The following WFDC3 variants were observed in gnomAD, a reference collection of about 807,000 sequenced individuals.
WFDC3 encodes the protein WAP four-disulfide core domain 3.
WFDC3 carries 15 observed loss-of-function variants against 25.8 expected under a neutral mutation model. The observed-to-expected ratio is 0.58, with a 90% CI of 0.39 to 0.89. WFDC3 has a LOEUF of 0.89. Ranked by LOEUF, WFDC3 falls within the 40% of genes least tolerant of loss-of-function variation. The pLI, the probability that WFDC3 is intolerant of heterozygous loss-of-function variation, is 0.00. For synonymous variants in WFDC3, 103 were observed against 107.1 expected (o/e 0.96, Z 0.24); for missense variants, 264 against 289.8 (o/e 0.91, Z 0.65).
intron 2 of WFDC3, among the ~76,000 whole-genome samples, chr20:45,789,407 G>A (rs1980841352): frequency 6.6e-6 from 1 of 151,304 alleles, no homozygotes; most frequent in Non-Finnish European, 1.5e-5. Flanking sequence ...TCGGGAGGCT[G>A]AGGCAGGAGA....
rs142324263 is a variant in WFDC3, at chr20:45,777,091, G to A, written c.477C>T (p.Leu159=). Residue 159 remains leucine (L), a synonymous_variant, in exon 5 of 7, where the codon CTC becomes CTT. Transcript: ENST00000243938. ...CCSTGCGRTC[L]GDIEGGRGGD... is the part of the protein sequence containing the mutation. ...CCAACATACCTCCCTCAATGTCTCC[G>A]AGGCAGGTGCGGCCACAGCCGGTGC... The A allele has an allele frequency of 2.1e-4, 333 of 1,612,906 alleles. 1 individual carries two copies. Among genetic ancestry groups the A allele is most frequent in the Middle Eastern group, 1.7e-4 (1 of 5,738 alleles).
Position 45,775,311 on chromosome 20 carries a change from CA to C in WFDC3, c.679+105del. On this transcript the variant is annotated intron_variant, in intron 6 of 6. Coordinates refer to ENST00000243938, the MANE Select transcript of WFDC3 (RefSeq NM_080614.2). ...ATCTGGGACATAGGTTCTTTCTCTC[CA>C]ACTAGACTTTTCCTGACCTTCTGAA... is the stretch of plus-strand genomic sequence containing the variant. The C allele has an allele frequency of 2.1e-6, 3 of 1,456,946 alleles. No individual in the cohort carries two copies. In the South Asian group the frequency reaches 4.0e-5, roughly 20 times the overall value. 90.3% of individuals were successfully genotyped at this position (1,456,946 alleles called of 1,614,324 possible). A position where few individuals can be genotyped will look rare whatever the true frequency, so the allele number is the denominator to read the frequency against.
intron 4 of WFDC3, among the ~76,000 whole-genome samples, chr20:45,784,715 T>C (rs1202482233): frequency 1.3e-5 from 2 of 152,218 alleles, no homozygotes; most frequent in Non-Finnish European, 2.9e-5. Flanking sequence ...CACTCCAGCC[T>C]GGGCAACAAT....
intron 5 of WFDC3, among the ~76,000 whole-genome samples, chr20:45,776,064 A>G (rs1300041317): frequency 6.6e-6 from 1 of 152,138 alleles, no homozygotes; most frequent in Non-Finnish European, 1.5e-5. Context: ...CCTTATTTAA[A>G]AGGAATATGT....
intron 3 of WFDC3, 117 bp downstream of exon 3, chr20:45,788,814 C>T: frequency 1.4e-6 from 2 of 1,402,396 alleles, no homozygotes; most frequent in Non-Finnish European, 1.9e-6. Context: ...AGAAGAAGTA[C>T]TCTAGGCAAG....
intron 4 of WFDC3, among the ~76,000 whole-genome samples, chr20:45,783,405 G>A (rs191069912): frequency 1.1e-4 from 17 of 152,096 alleles, no homozygotes; most frequent in Admixed American, 7.9e-4. Flanking sequence ...CTGAGCCCAG[G>A]AGGTTGAGGC....
chr20:45,777,914 C>T (rs1203027486), intron 4 of WFDC3, among the ~76,000 whole-genome samples: 3 of 151,638 alleles, frequency 2.0e-5, no homozygotes, highest in Admixed American at 2.0e-4. Flanking sequence ...AGGTCTAACC[C>T]ACTGTGGCCA....
intron 5 of WFDC3, among the ~76,000 whole-genome samples, chr20:45,776,224 GT>G (rs1980137415): frequency 6.7e-6 from 1 of 148,398 alleles, no homozygotes; most frequent in Non-Finnish European, 1.5e-5. Context: ...AAAAATATTT[GT>G]TTTTTTAAAA....
rs1356264077 is a variant in WFDC3 at position 45,776,650 on chromosome 20, A to ATGTG, written c.493+424_493+425insCACA. Among the ~76,000 whole-genome samples the ATGTG allele has an allele frequency of 5.5e-5, 6 of 108,608 alleles. No individual in the cohort carries two copies. The Admixed American group carries it at 6.2e-4, about 11-fold the overall frequency. The allele number at this position is 108,608 out of a possible 152,430, so 71.3% of individuals were successfully genotyped here. ...AAAAAAAAAAAATATATATATATAT[A>ATGTG]TATATATATATGTGTGTGTGTGTTT... On this transcript the variant is annotated intron_variant, in intron 5 of 6. Transcript: ENST00000243938.
chr20:45,774,650 C>T (rs1213879339), intron 6 of WFDC3, among the ~76,000 whole-genome samples: 1 of 152,148 alleles, frequency 6.6e-6, no homozygotes, highest in Non-Finnish European at 1.5e-5. Flanking sequence ...TTATAAAAAA[C>T]TGGAATTATG....
At chr20:45,776,318 G>GTA (rs373502479) in intron 5 of WFDC3, among the ~76,000 whole-genome samples, 4,609 of 139,824 alleles carry the variant, frequency 0.033, 218 homozygotes, top group East Asian at 0.1. Context: ...GTGTGTGTGT[G>GTA]TGTTTCCAGC....
chr20:45,777,791 G>A (rs1484462565), intron 4 of WFDC3, among the ~76,000 whole-genome samples: 3 of 152,142 alleles, frequency 2.0e-5, no homozygotes, highest in Non-Finnish European at 4.4e-5. Context: ...AAAGTGCCAG[G>A]ATTACAGGCG....
At chr20:45,785,992 TTC>T (rs201811266) in intron 4 of WFDC3, among the ~76,000 whole-genome samples, 1 of 152,186 alleles carries the variant, frequency 6.6e-6, no homozygotes, top group African/African-American at 2.4e-5. Context: ...CTGTGTGTGC[TTC>T]TCTCTCTCCC....
chr20:45,786,759 C>T (rs1265095981), intron 4 of WFDC3, among the ~76,000 whole-genome samples: 1 of 152,072 alleles, frequency 6.6e-6, no homozygotes, highest in Non-Finnish European at 1.5e-5. Context: ...CTGTTTCCCA[C>T]AGGAGACAGC....
chr20:45,777,340 A>C, intron 4 of WFDC3, 131 bp from the exon 5 acceptor site: 1 of 1,039,794 alleles, frequency 9.6e-7, no homozygotes, highest in Non-Finnish European at 1.2e-6. Flanking sequence ...TATGTGTATC[A>C]TGTATCTGCA....
At chr20:45,785,746 A>T (rs958699040) in intron 4 of WFDC3, among the ~76,000 whole-genome samples, 3 of 152,152 alleles carry the variant, frequency 2.0e-5, no homozygotes, top group Non-Finnish European at 1.5e-5. Context: ...TCAATTTCTA[A>T]TATGTTTTAG....
intron 2 of WFDC3, among the ~76,000 whole-genome samples, chr20:45,789,423 G>A (rs936452540): frequency 3.4e-5 from 5 of 148,804 alleles, no homozygotes; most frequent in Admixed American, 6.7e-5. Flanking sequence ...GGAGAATGGC[G>A]TGAACCTGGG....
chr20:45,782,920 C>A (rs923161222), intron 4 of WFDC3, among the ~76,000 whole-genome samples: 6 of 152,216 alleles, frequency 3.9e-5, no homozygotes, highest in African/African-American at 1.4e-4. Flanking sequence ...GCCCTGAAGA[C>A]CCCCGAAAGT....
intron 2 of WFDC3, among the ~76,000 whole-genome samples, chr20:45,789,680 A>G (rs1270979764): frequency 6.6e-6 from 1 of 152,092 alleles, no homozygotes; most frequent in Non-Finnish European, 1.5e-5. Context: ...AGTAAGCCCA[A>G]CTGGAAGTCC....
Sources: allele counts gnomAD v4.1 joint callset (sites outside exome capture counted in the v4.1 genomes callset), GRCh38; gene constraint gnomAD v4.1.1; transcripts MANE v1.5; gene names NCBI Gene and HGNC (gene_info 2026-07-23, HGNC 2026-07-21).